Variants in CSMD1 observed in about 807,000 individuals in gnomAD.
CSMD1 encodes the protein CUB and Sushi multiple domains 1.
CSMD1 carries 213 observed loss-of-function variants against 417.5 expected under a neutral mutation model. That is an observed-to-expected ratio of 0.51 (90% CI 0.46 to 0.57). The LOEUF (loss-of-function observed/expected upper bound fraction) is 0.57, where lower values mean the gene tolerates loss of function less well. Ranked by LOEUF, CSMD1 falls within the 20% of genes least tolerant of loss-of-function variation. CSMD1 has a pLI of 0.00. For synonymous variants in CSMD1, 2,862 were observed against 1,736.8 expected (o/e 1.65, Z -16.11); for missense variants, 6,923 against 4,529.7 (o/e 1.53, Z -15.17).
intron 1 of CSMD1, among the ~76,000 whole-genome samples, chr8:4,931,781 T>C (rs1269113532): frequency 1.3e-5 from 2 of 152,164 alleles, no homozygotes; most frequent in Non-Finnish European, 2.9e-5. Flanking sequence ...GAAAGGGTGG[T>C]GAGGCTCAGA....
chr8:4,390,080 C>G (rs746687641), intron 3 of CSMD1, among the ~76,000 whole-genome samples: 1 of 152,304 alleles, frequency 6.6e-6, no homozygotes, highest in Non-Finnish European at 1.5e-5. Context: ...ATTACCACTT[C>G]TATGCATTCT....
At chr8:3,162,072 G>A in intron 38 of CSMD1, 87 bp downstream of exon 38, 1 of 807,998 alleles carries the variant, frequency 1.2e-6, no homozygotes, top group Non-Finnish European at 2.1e-6. Flanking sequence ...AGGAAAACAT[G>A]GGTACAAAGT....
chr8:4,094,312 G>A (rs950590352), intron 3 of CSMD1, among the ~76,000 whole-genome samples: 3 of 152,064 alleles, frequency 2.0e-5, no homozygotes, highest in Admixed American at 1.3e-4. Flanking sequence ...ATCAGCAGGC[G>A]ACTGTAGGAA....
intron 39 of CSMD1, among the ~76,000 whole-genome samples, chr8:3,156,080 C>T (rs1179282141): frequency 6.6e-6 from 1 of 152,166 alleles, no homozygotes; most frequent in Non-Finnish European, 1.5e-5. Flanking sequence ...CACACTACGC[C>T]GAAATGAATT....
intron 5 of CSMD1, among the ~76,000 whole-genome samples, chr8:3,759,904 CAAAAAA>C (rs71203472): frequency 2.1e-5 from 2 of 95,654 alleles, no homozygotes. Context: ...GAGACTGTCT[CAAAAAA>C]AAAAAAAAAA....
intron 25 of CSMD1, among the ~76,000 whole-genome samples, chr8:3,306,649 T>C (rs1804873655): frequency 6.6e-6 from 1 of 151,650 alleles, no homozygotes. Context: ...AGAAAATTAA[T>C]AACAACAATG....
At chr8:4,568,325 C>T (rs1407068639) in intron 2 of CSMD1, among the ~76,000 whole-genome samples, 1 of 152,056 alleles carries the variant, frequency 6.6e-6, no homozygotes, top group Non-Finnish European at 1.5e-5. Flanking sequence ...GTCCCTGTGT[C>T]CCTGTGTTCT....
At chr8:4,420,702 T>C (rs1411250243) in intron 2 of CSMD1, among the ~76,000 whole-genome samples, 12 of 152,092 alleles carry the variant, frequency 7.9e-5, no homozygotes, top group Admixed American at 3.3e-4. Context: ...ATGGTCAGGA[T>C]AGCAAAGGCC....
chr8:4,363,689 G>C (rs760744296), intron 3 of CSMD1, among the ~76,000 whole-genome samples: 1 of 152,126 alleles, frequency 6.6e-6, no homozygotes. Flanking sequence ...CTCTGTGCCT[G>C]GTTATTTCAC....
intron 3 of CSMD1, among the ~76,000 whole-genome samples, chr8:4,217,025 A>G (rs747327710): frequency 2.0e-5 from 3 of 152,208 alleles, no homozygotes; most frequent in Admixed American, 2.0e-4. Flanking sequence ...CTCTTAAAGG[A>G]TAAGTCTTTG....
chr8:4,320,926 C>T (rs1250780801), intron 3 of CSMD1, among the ~76,000 whole-genome samples: 1 of 152,096 alleles, frequency 6.6e-6, no homozygotes, highest in African/African-American at 2.4e-5. Context: ...TTCTTTGTAT[C>T]CTCTCCTCCC....
intron 10 of CSMD1, among the ~76,000 whole-genome samples, chr8:3,541,523 A>T (rs1446072103): frequency 1.3e-5 from 2 of 151,688 alleles, no homozygotes; most frequent in Middle Eastern, 3.2e-3. Flanking sequence ...TCTATTCTGG[A>T]ACTCAAAATA....
chr8:3,908,811 A>C (rs538232494), intron 5 of CSMD1, among the ~76,000 whole-genome samples: 1 of 152,318 alleles, frequency 6.6e-6, no homozygotes, highest in South Asian at 2.1e-4. Flanking sequence ...ATTATTTGAA[A>C]CAGGATCTCT....
Position 4,320,997 on chromosome 8 carries a change from T to G in CSMD1, c.415+98956A>C, listed in dbSNP as rs1247181460. ...TCAGCATTGCCTCCTTATACCAGTTTCTCTGTAAATTATTTATTTCCCATA... is the reference window on the plus strand; with the variant it reads ...TCAGCATTGCCTCCTTATACCAGTTGCTCTGTAAATTATTTATTTCCCATA... On this transcript the variant is annotated intron_variant, in intron 3 of 69. Coordinates refer to ENST00000635120, the MANE Select transcript of CSMD1 (RefSeq NM_033225.6). 3.3e-5 allele frequency among the ~76,000 whole-genome samples: 5 copies of G among 152,282 alleles called. No homozygotes were observed. In the East Asian group the frequency reaches 9.7e-4, roughly 29 times the overall value.
rs777784546 is a variant in CSMD1, at chr8:3,997,996, G to A, written c.725C>T (p.Pro242Leu). ...GAAGACCAGCGCAATGGTGTCCCCG[G>A]GCTCAGCCAGAATGGTCCAGGTGCA... The part of the protein sequence containing the change: ...ADCTWTILAE[P>L]GDTIALVFTD... Residue 242 changes from proline (P) to leucine (L), a missense_variant, in exon 5 of 70, where the codon CCC becomes CTC. Coordinates refer to ENST00000635120, the MANE Select transcript of CSMD1 (RefSeq NM_033225.6). The A allele has an allele frequency of 6.2e-7, 1 of 1,610,066 alleles. No individual in the cohort carries two copies. Among genetic ancestry groups the A allele is most frequent in the Admixed American group, 1.7e-5 (1 of 59,586 alleles).
At chr8:4,301,124 T>G (rs1291466221) in intron 3 of CSMD1, among the ~76,000 whole-genome samples, 1 of 152,132 alleles carries the variant, frequency 6.6e-6, no homozygotes, top group Non-Finnish European at 1.5e-5. Flanking sequence ...TTGCCCGTGT[T>G]TGAGGAGAGG....
At chr8:4,898,179 A>G (rs1414173773) in intron 1 of CSMD1, among the ~76,000 whole-genome samples, 1 of 152,170 alleles carries the variant, frequency 6.6e-6, no homozygotes, top group South Asian at 2.1e-4. Flanking sequence ...AGGAATGCCC[A>G]GCGTGCATTG....
intron 2 of CSMD1, among the ~76,000 whole-genome samples, chr8:4,454,988 A>G (rs958100250): frequency 6.6e-6 from 1 of 152,084 alleles, no homozygotes; most frequent in African/African-American, 2.4e-5. Context: ...CAGAGTTAGG[A>G]GAAGGGCTCC....
chr8:4,457,105 G>T (rs534127917), intron 2 of CSMD1, among the ~76,000 whole-genome samples: 1 of 151,682 alleles, frequency 6.6e-6, no homozygotes, highest in East Asian at 1.9e-4. Flanking sequence ...TATGACTATC[G>T]ATGTGTTTCT....
Sources: allele counts gnomAD v4.1 joint callset (sites outside exome capture counted in the v4.1 genomes callset), GRCh38; gene constraint gnomAD v4.1.1; transcripts MANE v1.5; gene names NCBI Gene and HGNC (gene_info 2026-07-23, HGNC 2026-07-21).